The following ADGRL3 variants were observed in gnomAD, a reference collection of about 807,000 sequenced individuals.
ADGRL3 encodes calcium-independent alpha-latrotoxin receptor 3.
Under a neutral mutation model 153.5 loss-of-function variants are expected in ADGRL3, and 62 were observed. The observed-to-expected ratio is 0.40, with a 90% CI of 0.33 to 0.50. The LOEUF is 0.50. Ranked by LOEUF, ADGRL3 falls within the 20% of genes least tolerant of loss-of-function variation. The pLI, the probability that ADGRL3 is intolerant of heterozygous loss-of-function variation, is 0.47. For missense variants in ADGRL3, 1,641 were observed against 1,859.4 expected, an observed-to-expected ratio of 0.88 and a Z score of 2.16; for synonymous variants, 710 against 672.5, an observed-to-expected ratio of 1.06 and a Z score of -0.86.
intron 5 of ADGRL3, among the ~76,000 whole-genome samples, chr4:61,615,712 A>G (rs781533722): frequency 9.2e-5 from 14 of 151,884 alleles, no homozygotes; most frequent in Non-Finnish European, 1.8e-4. Flanking sequence ...TTAATGAGTC[A>G]TTTTGTTGCT....
intron 8 of ADGRL3, among the ~76,000 whole-genome samples, chr4:61,801,616 G>GA (rs1371077242): frequency 4.0e-5 from 6 of 151,678 alleles, no homozygotes; most frequent in South Asian, 2.1e-4. Flanking sequence ...AATACAAAAA[G>GA]AAAAAAAATG....
At chr4:61,917,709 A>G (rs781103511) in intron 13 of ADGRL3, among the ~76,000 whole-genome samples, 12 of 152,224 alleles carry the variant, frequency 7.9e-5, no homozygotes, top group Non-Finnish European at 1.3e-4. Context: ...AAAGCAGGAA[A>G]TGAATTACCG....
intron 9 of ADGRL3, among the ~76,000 whole-genome samples, chr4:61,874,789 CTTTTTTTTTTTTTT>C (rs11432355): frequency 1.6e-4 from 10 of 61,518 alleles, no homozygotes; most frequent in Admixed American, 8.1e-4. Flanking sequence ...TCAAAATGCT[CTTTTTTTTTTTTTT>C]TTTTTTTTTT....
chr4:61,290,300 T>C (rs1027166020), intron 1 of ADGRL3, among the ~76,000 whole-genome samples: 11 of 152,142 alleles, frequency 7.2e-5, no homozygotes, highest in Non-Finnish European at 1.5e-4. Flanking sequence ...GGCATTCATA[T>C]ATTATCAGAA....
At chr4:61,830,459 C>G (rs151041275) in intron 9 of ADGRL3, among the ~76,000 whole-genome samples, 70 of 152,310 alleles carry the variant, frequency 4.6e-4, no homozygotes, top group Non-Finnish European at 6.6e-4. Flanking sequence ...TTGGACATAA[C>G]AACATGCCAT....
chr4:61,810,973 A>AAAAC (rs777177318), intron 8 of ADGRL3, among the ~76,000 whole-genome samples: 1 of 152,106 alleles, frequency 6.6e-6, no homozygotes, highest in Admixed American at 6.6e-5. Context: ...TATCACCTCA[A>AAAAC]AAACAAACAA....
chr4:61,431,319 A>T (rs2097353070), intron 2 of ADGRL3, among the ~76,000 whole-genome samples: 1 of 152,242 alleles, frequency 6.6e-6, no homozygotes, highest in Non-Finnish European at 1.5e-5. Context: ...TGGCAGCAGC[A>T]GCTGTCCTCC....
At chr4:61,597,210 G>A (rs941136875) in intron 5 of ADGRL3, among the ~76,000 whole-genome samples, 2 of 151,978 alleles carry the variant, frequency 1.3e-5, no homozygotes, top group African/African-American at 4.8e-5. Context: ...TATTGAGAAA[G>A]TAATGCTTGG....
At chr4:61,834,701 G>A (rs2097913497) in intron 9 of ADGRL3, among the ~76,000 whole-genome samples, 3 of 152,152 alleles carry the variant, frequency 2.0e-5, no homozygotes, top group African/African-American at 7.2e-5. Context: ...TTTGTACCTG[G>A]CTGAGCAAAC....
chr4:61,345,207 A>T (rs2151209262), intron 1 of ADGRL3, among the ~76,000 whole-genome samples: 1 of 152,208 alleles, frequency 6.6e-6, no homozygotes, highest in East Asian at 1.9e-4. Flanking sequence ...AAAAATAATT[A>T]TGTTGGTTTT....
chr4:61,564,503 G>C (rs1336224732), intron 4 of ADGRL3, among the ~76,000 whole-genome samples: 5 of 152,128 alleles, frequency 3.3e-5, no homozygotes, highest in Non-Finnish European at 7.3e-5. Flanking sequence ...AAACTCCTGG[G>C]CACCAGCAGT....
rs3065319 is a variant in ADGRL3 at position 61,238,442 on chromosome 4, GGTGTGT to G, written c.-240+36706_-240+36711del. Among the ~76,000 whole-genome samples the G allele has an allele frequency of 7.2e-3, 1,063 of 147,534 alleles. 5 individuals are homozygous for G. Among genetic ancestry groups the G allele is most frequent in the Admixed American group, 0.011 (163 of 14,726 alleles). On this transcript the variant is annotated intron_variant, in intron 1 of 26. Coordinates refer to ENST00000683033, the MANE Select transcript of ADGRL3 (RefSeq NM_001387552.1). ...TATTAAAGGGTAAATTCTAATGTGT[GGTGTGT>G]GTGTGTGTGTGTGTGTGTGTGTGTG...
At chr4:61,922,067 G>C (rs541816335) in intron 13 of ADGRL3, among the ~76,000 whole-genome samples, 1 of 152,246 alleles carries the variant, frequency 6.6e-6, no homozygotes, top group South Asian at 2.1e-4. Flanking sequence ...AGATAGATGT[G>C]ATATATTTTC....
rs10222894 is a variant in ADGRL3 at position 62,044,352 on chromosome 4, A to G, written c.3718-101A>G. On this transcript the variant is annotated intron_variant, in intron 24 of 26. Transcript: ENST00000683033. Reference sequence around the variant, plus strand: ...GTTGTCTATTTGCCAAATGCTAGAAACAAAGGTCTCATATAATTATGACAG... The same window carrying G: ...GTTGTCTATTTGCCAAATGCTAGAAGCAAAGGTCTCATATAATTATGACAG... The G allele has an allele frequency of 7.6e-3, 5,895 of 772,322 alleles. 257 individuals carry two copies. In the African/African-American group the frequency reaches 0.093, roughly 12 times the overall value. 47.8% of individuals were successfully genotyped at this position (772,322 alleles called of 1,614,324 possible).
At chr4:61,277,015 C>A (rs2093493918) in intron 1 of ADGRL3, among the ~76,000 whole-genome samples, 2 of 152,048 alleles carry the variant, frequency 1.3e-5, no homozygotes, top group South Asian at 4.1e-4. Flanking sequence ...AATGAAACTA[C>A]CCCCTATTTC....
intron 2 of ADGRL3, among the ~76,000 whole-genome samples, chr4:61,391,450 A>G (rs2096801085): frequency 6.6e-6 from 1 of 152,172 alleles, no homozygotes. Context: ...CACCTCTGGC[A>G]TTAGGGATTA....
At chr4:61,798,077 T>G (rs1482990228) in intron 8 of ADGRL3, among the ~76,000 whole-genome samples, 1 of 152,218 alleles carries the variant, frequency 6.6e-6, no homozygotes, top group African/African-American at 2.4e-5. Context: ...TTTTCAATTC[T>G]GTTTCATTTC....
intron 1 of ADGRL3, among the ~76,000 whole-genome samples, chr4:61,382,531 T>C: frequency 6.6e-6 from 1 of 151,918 alleles, no homozygotes; most frequent in African/African-American, 2.4e-5. Flanking sequence ...AAATAAAAAC[T>C]CAAATGCCTC....
At chr4:61,225,194 A>G (rs935545351) in intron 1 of ADGRL3, among the ~76,000 whole-genome samples, 5 of 152,208 alleles carry the variant, frequency 3.3e-5, no homozygotes, top group Non-Finnish European at 7.3e-5. Flanking sequence ...GCTGCCTGAC[A>G]GAGCAGAAGG....
Sources: allele counts gnomAD v4.1 joint callset (sites outside exome capture counted in the v4.1 genomes callset), GRCh38; gene constraint gnomAD v4.1.1; transcripts MANE v1.5; gene names NCBI Gene and HGNC (gene_info 2026-07-23, HGNC 2026-07-21).